The following SLIT2 variants were observed in gnomAD, a reference collection of about 807,000 sequenced individuals.
SLIT2 encodes the protein slit guidance ligand 2.
In SLIT2, 41 loss-of-function variants were observed where a neutral mutation model predicts 185.7. The observed-to-expected ratio is 0.22, with a 90% CI of 0.17 to 0.29. The LOEUF is 0.29. Among genes scored for constraint, SLIT2 ranks in the 10% least tolerant of loss-of-function variants. The probability of loss-of-function intolerance (pLI) is 1.00; values close to 1 mark genes in which losing one functional copy is unlikely to be tolerated. For missense variants in SLIT2, 1,571 were observed against 1,909.0 expected (o/e 0.82, Z 3.30); for synonymous variants, 693 against 680.2 (o/e 1.02, Z -0.29).
chr4:20,373,411 G>A (rs1723754253), intron 4 of SLIT2, among the ~76,000 whole-genome samples: 1 of 152,026 alleles, frequency 6.6e-6, no homozygotes, highest in South Asian at 2.1e-4. Flanking sequence ...AAATTTTAAA[G>A]AGATAAAAGT....
intron 4 of SLIT2, among the ~76,000 whole-genome samples, chr4:20,279,621 G>A (rs1464433289): frequency 6.6e-6 from 1 of 152,108 alleles, no homozygotes; most frequent in Non-Finnish European, 1.5e-5. Flanking sequence ...CCTGCCAAGC[G>A]CCTCAGTTTT....
In SLIT2 at chr4:20,619,960, G is replaced by A. The variant is rs1729963177; in HGVS notation, c.*951G>A. 6.8e-6 allele frequency: 1 copy of A among 147,644 alleles called. No individual in the cohort carries two copies. Among genetic ancestry groups the A allele is most frequent in the Non-Finnish European group, 1.5e-5 (1 of 67,276 alleles). The allele number at this position is 147,644 out of a possible 1,614,324, so 9.1% of individuals were successfully genotyped here. A position where few individuals can be genotyped will look rare whatever the true frequency, so the allele number is the denominator to read the frequency against. On this transcript the variant is annotated 3_prime_UTR_variant, in exon 37 of 37. Coordinates refer to ENST00000504154, the MANE Select transcript of SLIT2 (RefSeq NM_004787.4). The stretch of plus-strand genomic sequence containing the variant: ...AGTACTAACATAGGGTTTTATCTTG[G>A]GATACATATGTATTGGTCTGTTTGT...
rs932881424 is a variant in SLIT2, at chr4:20,406,869, C to T, written c.396-60883C>T. On this transcript the variant is annotated intron_variant, in intron 4 of 36. Coordinates refer to ENST00000504154, the MANE Select transcript of SLIT2 (RefSeq NM_004787.4). Reference sequence around the variant, plus strand: ...CAAACAATGTACTGGATGTTCATTACGGTGGTATTGTTTAAAGCCCAGATG... The same window carrying T: ...CAAACAATGTACTGGATGTTCATTATGGTGGTATTGTTTAAAGCCCAGATG... Among the ~76,000 whole-genome samples the T allele has an allele frequency of 1.6e-4, 17 of 107,506 alleles. 2 individuals carry two copies. The highest frequency in any genetic ancestry group is 3.1e-4 in the African/African-American group (12 of 38,332). 70.5% of individuals were successfully genotyped at this position (107,506 alleles called of 152,430 possible).
rs116365803 is a variant in SLIT2 at position 20,490,214 on chromosome 4, A to G, written c.775+1232A>G. Among the ~76,000 whole-genome samples the G allele has an allele frequency of 1.9e-3, 295 of 152,344 alleles. 2 individuals are homozygous for G. Among genetic ancestry groups the G allele is most frequent in the African/African-American group, 6.8e-3 (282 of 41,572 alleles). On this transcript the variant is annotated intron_variant, in intron 8 of 36. Coordinates refer to ENST00000504154, the MANE Select transcript of SLIT2 (RefSeq NM_004787.4). ...TTAAGCACCAACCTAAGTATTTCAC[A>G]TATATTTACCTCACTTCACCTCCCT...
intron 29 of SLIT2, among the ~76,000 whole-genome samples, chr4:20,586,388 A>G (rs1577974595): frequency 1.3e-5 from 2 of 152,218 alleles, no homozygotes; most frequent in East Asian, 3.8e-4. Flanking sequence ...TGCCTTAAAA[A>G]GCATGATTCC....
intron 4 of SLIT2, among the ~76,000 whole-genome samples, chr4:20,400,123 C>T (rs947159429): frequency 1.3e-5 from 2 of 151,680 alleles, no homozygotes; most frequent in East Asian, 1.9e-4. Flanking sequence ...AGATTTGTAT[C>T]TTTTAATGGA....
intron 33 of SLIT2, among the ~76,000 whole-genome samples, chr4:20,604,632 C>T (rs1728650929): frequency 6.6e-6 from 1 of 152,120 alleles, no homozygotes; most frequent in Non-Finnish European, 1.5e-5. Flanking sequence ...CAGGCGTGAG[C>T]CACTGCGCCC....
In SLIT2 at chr4:20,567,606, A is replaced by T; in HGVS notation, c.2939A>T (p.Asp980Val). 1 of 1,611,616 alleles carries T rather than the reference A, an allele frequency of 6.2e-7. No individual in the cohort carries two copies. The highest frequency in any genetic ancestry group is 1.1e-5 in the South Asian group (1 of 91,002). Residue 980 changes from aspartate (D) to valine (V), a missense_variant, in exon 28 of 37, where the codon GAT becomes GTT. Coordinates refer to ENST00000504154, the MANE Select transcript of SLIT2 (RefSeq NM_004787.4). Reference protein sequence around the residue: ...GTCHLKEGEEDGFWCICADGF... With the variant: ...GTCHLKEGEEVGFWCICADGF... ...TGCCACTTAAAGGAAGGAGAAGAAG[A>T]TGGATTCTGGTAGGTCATTAGTCTA...
intron 8 of SLIT2, among the ~76,000 whole-genome samples, chr4:20,489,225 GA>G: frequency 6.6e-6 from 1 of 152,050 alleles, no homozygotes; most frequent in Non-Finnish European, 1.5e-5. Flanking sequence ...CACTCCAGGG[GA>G]AAATATGGAA....
intron 16 of SLIT2, among the ~76,000 whole-genome samples, chr4:20,531,538 G>A (rs1721811751): frequency 1.3e-5 from 2 of 152,178 alleles, no homozygotes; most frequent in Non-Finnish European, 2.9e-5. Flanking sequence ...TCTGGAATTA[G>A]ATAGCAAAGA....
intron 4 of SLIT2, among the ~76,000 whole-genome samples, chr4:20,415,625 G>A (rs1034042814): frequency 1.3e-5 from 2 of 151,938 alleles, no homozygotes; most frequent in African/African-American, 4.8e-5. Context: ...GATCCATAAG[G>A]CAATTTGTAA....
chr4:20,593,993 CAT>C (rs1409576959), intron 30 of SLIT2, among the ~76,000 whole-genome samples: 5 of 145,902 alleles, frequency 3.4e-5, no homozygotes, highest in Non-Finnish European at 7.5e-5. Context: ...CATGTACATA[CAT>C]ATACACACAC....
rs1729776062 is a variant in SLIT2 at position 20,617,616 on chromosome 4, C to T, written c.4314C>T (p.Cys1438=). 1 of 1,612,190 alleles carries T rather than the reference C, an allele frequency of 6.2e-7. No homozygotes were observed. The highest frequency in any genetic ancestry group is 1.7e-5 in the Admixed American group (1 of 59,942). ...GTCTGGGGCAGCCCTACTGTGAATG[C>T]AGCAGTGGATACACGGGGGACAGCT... is the stretch of plus-strand genomic sequence containing the variant. ...LSGLGQPYCE[C]SSGYTGDSCD... is the part of the protein sequence containing the mutation. Residue 1438 remains cysteine, a synonymous_variant, in exon 36 of 37, where the codon TGC becomes TGT. Coordinates refer to ENST00000504154, the MANE Select transcript of SLIT2 (RefSeq NM_004787.4).
intron 4 of SLIT2, among the ~76,000 whole-genome samples, chr4:20,294,779 C>T (rs1328584144): frequency 6.6e-6 from 1 of 152,160 alleles, no homozygotes; most frequent in African/African-American, 2.4e-5. Context: ...GAATTCATGT[C>T]TTCTGAGGTT....
chr4:20,573,438 A>G (rs1461225501), intron 29 of SLIT2, among the ~76,000 whole-genome samples: 3 of 152,216 alleles, frequency 2.0e-5, no homozygotes, highest in African/African-American at 7.2e-5. Flanking sequence ...TATGACAAAC[A>G]GTATAAAATG....
chr4:20,451,434 C>A (rs1356434562), intron 4 of SLIT2, among the ~76,000 whole-genome samples: 1 of 152,126 alleles, frequency 6.6e-6, no homozygotes, highest in Non-Finnish European at 1.5e-5. Context: ...TGCTATAAGT[C>A]AGAAAAGGCT....
chr4:20,513,130 G>C (rs868548516), intron 11 of SLIT2, among the ~76,000 whole-genome samples: 13 of 151,988 alleles, frequency 8.6e-5, no homozygotes, highest in African/African-American at 2.7e-4. Context: ...CTCATGATGA[G>C]AGCACTCACG....
chr4:20,494,673 G>C (rs1449069698), intron 9 of SLIT2, among the ~76,000 whole-genome samples: 4 of 151,844 alleles, frequency 2.6e-5, no homozygotes, highest in African/African-American at 9.7e-5. Flanking sequence ...CATCTACTCG[G>C]GAGGCTGAGG....
At chr4:20,468,471 A>G (rs752662322) in intron 5 of SLIT2, among the ~76,000 whole-genome samples, 52 of 152,210 alleles carry the variant, frequency 3.4e-4, no homozygotes, top group Middle Eastern at 6.8e-3. Flanking sequence ...ATCCTTTAAA[A>G]AAATGAAAGT....
Sources: gnomAD v4.1 joint callset for allele counts (sites outside exome capture counted in the v4.1 genomes callset) on GRCh38, gnomAD v4.1.1 for gene constraint, MANE v1.5 for transcripts, NCBI Gene and HGNC (gene_info 2026-07-23, HGNC 2026-07-21) for gene names.